The following GRB10 variants were observed in gnomAD, a reference collection of about 807,000 sequenced individuals.
The protein encoded by GRB10 is growth factor receptor bound protein 10, also known as growth factor receptor-bound protein 10.
Under a neutral mutation model 80.9 loss-of-function variants are expected in GRB10, and 20 were observed. The ratio of observed to expected loss-of-function variants is 0.25; its 90% confidence interval spans 0.17 to 0.36. GRB10 has a LOEUF of 0.36. Among genes scored for constraint, GRB10 ranks in the 10% least tolerant of loss-of-function variants. GRB10 has a pLI of 1.00. For synonymous variants in GRB10, 291 were observed against 291.5 expected, an observed-to-expected ratio of 1.00 and a Z score of 0.02; for missense variants, 548 against 747.7, an observed-to-expected ratio of 0.73 and a Z score of 3.12.
At position 50,737,571 on chromosome 7, in the gene GRB10, G is replaced by A. The variant is rs184858701; in HGVS notation, c.-46-5203C>T. Among the ~76,000 whole-genome samples the A allele has an allele frequency of 2.9e-3, 439 of 152,360 alleles. 3 individuals are homozygous for A. The highest frequency in any genetic ancestry group is 2.8e-3 in the Non-Finnish European group (188 of 68,040). On this transcript the variant is annotated intron_variant, in intron 3 of 18. Transcript: ENST00000401949. The stretch of plus-strand genomic sequence containing the variant: ...TAGCAATATAACAACAGACTAGGCC[G>A]GGCGTGGTGGCTCACACCTGTAATC...
chr7:50,669,658 T>G, intron 7 of GRB10, 64 bp downstream of exon 7: 2 of 1,472,548 alleles, frequency 1.4e-6, no homozygotes, highest in South Asian at 1.1e-5. Flanking sequence ...ATCTGGCACA[T>G]CTGTGCAGAT....
chr7:50,668,712 C>A (rs1047329665), intron 7 of GRB10, among the ~76,000 whole-genome samples: 2 of 152,238 alleles, frequency 1.3e-5, no homozygotes, highest in Admixed American at 6.5e-5. Flanking sequence ...TCACCTCCAC[C>A]CCTAGGGGTC....
chr7:50,682,024 G>T (rs2061600094), intron 5 of GRB10, among the ~76,000 whole-genome samples: 1 of 152,180 alleles, frequency 6.6e-6, no homozygotes, highest in Non-Finnish European at 1.5e-5. Flanking sequence ...AGATGGTAGG[G>T]GGCTTTGCTT....
At chr7:50,623,096 G>A (rs1563190935) in intron 8 of GRB10, among the ~76,000 whole-genome samples, 2 of 152,226 alleles carry the variant, frequency 1.3e-5, no homozygotes, top group African/African-American at 2.4e-5. Context: ...GCTCGGGGCA[G>A]AAGGGATGGG....
intron 5 of GRB10, among the ~76,000 whole-genome samples, chr7:50,693,872 C>T (rs2063119850): frequency 6.6e-6 from 1 of 151,940 alleles, no homozygotes; most frequent in African/African-American, 2.4e-5. Flanking sequence ...GCTAAAGCAA[C>T]CACACCAGCA....
chr7:50,721,814 G>C (rs1197982117), intron 4 of GRB10, among the ~76,000 whole-genome samples: 2 of 152,220 alleles, frequency 1.3e-5, no homozygotes, highest in African/African-American at 4.8e-5. Context: ...CAGGCAGAGG[G>C]AGGCCCAGGA....
intron 3 of GRB10, among the ~76,000 whole-genome samples, chr7:50,743,810 C>T (rs540552675): frequency 6.6e-6 from 1 of 152,126 alleles, no homozygotes; most frequent in Non-Finnish European, 1.5e-5. Flanking sequence ...TGCTGTGGTC[C>T]ACACACAGAC....
chr7:50,705,060 G>T, intron 4 of GRB10: 1 of 761,982 alleles, frequency 1.3e-6, no homozygotes, highest in Non-Finnish European at 1.6e-6. Context: ...TTCCCAGCAA[G>T]CAGTTTCTCT....
intron 7 of GRB10, among the ~76,000 whole-genome samples, chr7:50,667,485 T>C (rs2059931266): frequency 6.6e-6 from 1 of 152,144 alleles, no homozygotes; most frequent in African/African-American, 2.4e-5. Flanking sequence ...GGGCAAGGAA[T>C]GGAGCCAAAG....
intron 17 of GRB10, among the ~76,000 whole-genome samples, chr7:50,602,062 A>ACAAC (rs1317076226): frequency 1.3e-5 from 2 of 151,742 alleles, no homozygotes; most frequent in East Asian, 3.9e-4. Flanking sequence ...CAAAATCCAA[A>ACAAC]CTAACAACAA....
At chr7:50,751,441 A>T (rs2074089774) in intron 3 of GRB10, among the ~76,000 whole-genome samples, 2 of 152,238 alleles carry the variant, frequency 1.3e-5, no homozygotes, top group Non-Finnish European at 1.5e-5. Context: ...AAAAGGAGTG[A>T]AATATTGATA....
intron 4 of GRB10, among the ~76,000 whole-genome samples, chr7:50,713,611 A>C (rs2066283594): frequency 1.2e-4 from 11 of 93,354 alleles, no homozygotes; most frequent in Non-Finnish European, 9.2e-5. Context: ...CTCCACCATC[A>C]CCTCCACCTC....
chr7:50,703,114 G>A (rs1161106139), intron 5 of GRB10, among the ~76,000 whole-genome samples: 2 of 152,168 alleles, frequency 1.3e-5, no homozygotes, highest in Admixed American at 6.5e-5. Context: ...AGAAAACATT[G>A]CTTTGACTTC....
intron 2 of GRB10, among the ~76,000 whole-genome samples, chr7:50,763,731 T>C (rs1159123138): frequency 6.6e-6 from 1 of 152,216 alleles, no homozygotes; most frequent in African/African-American, 2.4e-5. Flanking sequence ...TGTAATCCGC[T>C]AGCCCAGCTC....
chr7:50,781,152 C>G (rs2153713498), intron 1 of GRB10: 1 of 152,352 alleles, frequency 6.6e-6, no homozygotes, highest in African/African-American at 2.4e-5. Context: ...AACTATTATC[C>G]CTGATTCACA....
intron 2 of GRB10, among the ~76,000 whole-genome samples, chr7:50,775,411 G>A (rs1047970460): frequency 3.3e-5 from 5 of 152,166 alleles, no homozygotes; most frequent in African/African-American, 1.2e-4. Flanking sequence ...GCTGGGCACA[G>A]CCCTCATAGC....
chr7:50,646,624 T>C (rs2057234588), intron 7 of GRB10, among the ~76,000 whole-genome samples: 1 of 152,240 alleles, frequency 6.6e-6, no homozygotes, highest in Non-Finnish European at 1.5e-5. Context: ...CTCTGAATCC[T>C]GTTTGTAGTG....
intron 7 of GRB10, among the ~76,000 whole-genome samples, chr7:50,637,488 C>T (rs1021367480): frequency 6.6e-6 from 1 of 151,884 alleles, no homozygotes; most frequent in African/African-American, 2.4e-5. Flanking sequence ...ATACATCTAA[C>T]CAAGGAGGTG....
chr7:50,685,212 T>C (rs2061979143), intron 5 of GRB10, among the ~76,000 whole-genome samples: 1 of 152,208 alleles, frequency 6.6e-6, no homozygotes, highest in Non-Finnish European at 1.5e-5. Context: ...CTTCAGGTAT[T>C]GGAAATACAG....
Sources: gnomAD v4.1 joint callset for allele counts (sites outside exome capture counted in the v4.1 genomes callset) on GRCh38, gnomAD v4.1.1 for gene constraint, MANE v1.5 for transcripts, NCBI Gene and HGNC (gene_info 2026-07-23, HGNC 2026-07-21) for gene names.